Variants in GRM3 observed in about 807,000 individuals in gnomAD.
GRM3 encodes glutamate metabotropic receptor 3.
In GRM3, 26 loss-of-function variants were observed where a neutral mutation model predicts 70.5. The observed-to-expected ratio is 0.37, with a 90% CI of 0.27 to 0.51. The LOEUF (loss-of-function observed/expected upper bound fraction) is 0.51. Ranked by LOEUF, GRM3 falls within the 20% of genes least tolerant of loss-of-function variation. GRM3 has a pLI of 0.93. For missense variants in GRM3, 859 were observed against 1,123.8 expected (o/e 0.76, Z 3.37); for synonymous variants, 443 against 434.9 (o/e 1.02, Z -0.23).
intron 5 of GRM3, among the ~76,000 whole-genome samples, chr7:86,864,059 A>ATGGTATT (rs1357559679): frequency 6.7e-6 from 1 of 148,656 alleles, no homozygotes; most frequent in African/African-American, 2.6e-5. Context: ...TGGGGAATAG[A>ATGGTATT]TGGTATTTGG....
intron 1 of GRM3, among the ~76,000 whole-genome samples, chr7:86,753,394 T>C (rs1435961637): frequency 6.6e-6 from 1 of 152,148 alleles, no homozygotes; most frequent in Non-Finnish European, 1.5e-5. Flanking sequence ...ATTCAAACAT[T>C]TCACTGAAGA....
chr7:86,727,004 G>C (rs1795608021), intron 1 of GRM3, among the ~76,000 whole-genome samples: 1 of 152,150 alleles, frequency 6.6e-6, no homozygotes, highest in Non-Finnish European at 1.5e-5. Flanking sequence ...AAGGTCCCAA[G>C]ACCCAGTCAG....
chr7:86,750,615 A>G (rs1187561560), intron 1 of GRM3, among the ~76,000 whole-genome samples: 1 of 152,062 alleles, frequency 6.6e-6, no homozygotes, highest in African/African-American at 2.4e-5. Context: ...TAGAGTGACA[A>G]GAGATATTTG....
chr7:86,651,535 G>A (rs2282958), intron 1 of GRM3, among the ~76,000 whole-genome samples: 6 of 152,048 alleles, frequency 3.9e-5, no homozygotes, highest in Non-Finnish European at 7.4e-5. Context: ...AAGGAGAAAA[G>A]GATATCTAGA....
At chr7:86,673,393 C>T (rs1157785839) in intron 1 of GRM3, among the ~76,000 whole-genome samples, 1 of 152,034 alleles carries the variant, frequency 6.6e-6, no homozygotes, top group Non-Finnish European at 1.5e-5. Flanking sequence ...CTCACCAGAA[C>T]ACCCATTCTT....
intron 1 of GRM3, among the ~76,000 whole-genome samples, chr7:86,688,123 T>C (rs2116009610): frequency 6.6e-6 from 1 of 151,784 alleles, no homozygotes; most frequent in South Asian, 2.1e-4. Flanking sequence ...ATTTTACACC[T>C]CGAATATAAT....
intron 3 of GRM3, among the ~76,000 whole-genome samples, chr7:86,814,545 C>T (rs964561658): frequency 1.3e-5 from 2 of 151,788 alleles, no homozygotes; most frequent in Non-Finnish European, 2.9e-5. Context: ...GAAATACACT[C>T]TCTTGAAGAT....
chr7:86,766,152 T>C (rs193222101), intron 2 of GRM3, among the ~76,000 whole-genome samples: 4 of 152,234 alleles, frequency 2.6e-5, no homozygotes, highest in Admixed American at 6.5e-5. Context: ...AAGTATGCCC[T>C]GCCCACAGGA....
At chr7:86,761,313 A>C (rs1210700266) in intron 1 of GRM3, among the ~76,000 whole-genome samples, 3 of 152,102 alleles carry the variant, frequency 2.0e-5, no homozygotes, top group Non-Finnish European at 4.4e-5. Flanking sequence ...TTAAGCAGTA[A>C]ATGTAGGTCA....
chr7:86,851,359 T>TCTTTA (rs1798752040), intron 5 of GRM3, among the ~76,000 whole-genome samples: 1 of 152,144 alleles, frequency 6.6e-6, no homozygotes, highest in Non-Finnish European at 1.5e-5. Context: ...AGAGAATCAT[T>TCTTTA]GATTTAATTC....
chr7:86,721,905 T>C (rs1795474370), intron 1 of GRM3, among the ~76,000 whole-genome samples: 1 of 152,004 alleles, frequency 6.6e-6, no homozygotes, highest in East Asian at 1.9e-4. Context: ...GGAATATCAC[T>C]AGGAAGCATG....
At chr7:86,702,146 A>C (rs1323322878) in intron 1 of GRM3, among the ~76,000 whole-genome samples, 2 of 152,070 alleles carry the variant, frequency 1.3e-5, no homozygotes, top group East Asian at 3.9e-4. Context: ...TCATTCTATT[A>C]AACAGAAGAT....
At chr7:86,709,490 G>A (rs1202744834) in intron 1 of GRM3, among the ~76,000 whole-genome samples, 1 of 151,908 alleles carries the variant, frequency 6.6e-6, no homozygotes, top group Non-Finnish European at 1.5e-5. Context: ...GTTTTGTATG[G>A]CCCCTTTATT....
chr7:86,659,704 A>T (rs1305976977), intron 1 of GRM3, among the ~76,000 whole-genome samples: 1 of 152,078 alleles, frequency 6.6e-6, no homozygotes, highest in East Asian at 1.9e-4. Flanking sequence ...TTTTGAGCAG[A>T]GTGTATCTAA....
chr7:86,820,987 A>C (rs1379780760), intron 3 of GRM3, among the ~76,000 whole-genome samples: 1 of 152,160 alleles, frequency 6.6e-6, no homozygotes, highest in African/African-American at 2.4e-5. Flanking sequence ...GACAAATTCC[A>C]ATACTTCTTC....
At chr7:86,725,047 A>T (rs1214669807) in intron 1 of GRM3, among the ~76,000 whole-genome samples, 1 of 151,940 alleles carries the variant, frequency 6.6e-6, no homozygotes, top group African/African-American at 2.4e-5. Context: ...GCCTGGAAAC[A>T]CTTCTTACTA....
At position 86,819,594 on chromosome 7, in the gene GRM3, G is replaced by A. The variant is rs183409791; in HGVS notation, c.1325-19245G>A. Among the ~76,000 whole-genome samples, 119 of 152,228 alleles carry A rather than the reference G, an allele frequency of 7.8e-4. 1 individual carries two copies. Among genetic ancestry groups the A allele is most frequent in the Non-Finnish European group, 9.9e-4 (67 of 68,000 alleles). On this transcript the variant is annotated intron_variant, in intron 3 of 5. Transcript: ENST00000361669. ...AATGCCATGCTGCCCAGCAGGCCTA[G>A]GGGGACAAGCACATCACAATGGCTA... is the stretch of plus-strand genomic sequence containing the variant.
chr7:86,712,184 C>G lies in GRM3; in HGVS notation c.-140-52822C>G, dbSNP rs182293966. On this transcript the variant is annotated intron_variant, in intron 1 of 5. Transcript: ENST00000361669. ...ACCTCCTCTTCACTCCTGCTCTTCT[C>G]TATAACTGGTCCTAATTACTTTTCA... 2.4e-3 allele frequency among the ~76,000 whole-genome samples: 371 copies of G among 152,084 alleles called. 3 individuals are homozygous for G. The highest frequency in any genetic ancestry group is 0.016 in the South Asian group (75 of 4,828).
chr7:86,724,117 G>A (rs1225963311), intron 1 of GRM3, among the ~76,000 whole-genome samples: 1 of 152,076 alleles, frequency 6.6e-6, no homozygotes. Context: ...TTCAATTAAC[G>A]CTTTCCAATA....
Sources: allele counts gnomAD v4.1 joint callset (sites outside exome capture counted in the v4.1 genomes callset), GRCh38; gene constraint gnomAD v4.1.1; transcripts MANE v1.5; gene names NCBI Gene and HGNC (gene_info 2026-07-23, HGNC 2026-07-21).